BCKDHB: variants seen among roughly 807,000 people sequenced by gnomAD.
BCKDHB encodes the protein 2-oxoisovalerate dehydrogenase subunit beta, mitochondrial.
BCKDHB carries 41 observed loss-of-function variants against 48.5 expected under a neutral mutation model. The ratio of observed to expected loss-of-function variants is 0.85; its 90% confidence interval spans 0.66 to 1.10. The LOEUF (loss-of-function observed/expected upper bound fraction) is 1.10. Ranked by LOEUF, BCKDHB falls within the 50% of genes least tolerant of loss-of-function variation. The pLI, the probability that BCKDHB is intolerant of heterozygous loss-of-function variation, is 0.00. For synonymous variants in BCKDHB, 201 were observed against 174.8 expected (o/e 1.15, Z -1.18); for missense variants, 496 against 494.2 (o/e 1.00, Z -0.03).
the BCKDHB span, among the ~76,000 whole-genome samples, chr6:80,351,629 T>C: frequency 7.0e-6 from 1 of 142,388 alleles, no homozygotes; most frequent in Admixed American, 7.9e-5. Flanking sequence ...TCAATAGATC[T>C]GGAATTTTTT....
At chr6:80,176,065 G>C (rs1773138925) in intron 6 of BCKDHB, among the ~76,000 whole-genome samples, 1 of 152,166 alleles carries the variant, frequency 6.6e-6, no homozygotes. Context: ...GCGGCTGTTT[G>C]AATAGCCTGT....
the BCKDHB span, among the ~76,000 whole-genome samples, chr6:80,429,413 G>A: frequency 1.3e-5 from 2 of 152,282 alleles, no homozygotes; most frequent in Admixed American, 1.3e-4. Flanking sequence ...TGTGAAGAAA[G>A]TCAATGGTAG....
the BCKDHB span, among the ~76,000 whole-genome samples, chr6:80,409,628 A>G: frequency 1.2e-5 from 1 of 82,248 alleles, no homozygotes; most frequent in Admixed American, 1.4e-4. Flanking sequence ...ATATATATAT[A>G]TATGATAGTT....
At chr6:80,395,186 G>T in the BCKDHB span, among the ~76,000 whole-genome samples, 4 of 152,198 alleles carry the variant, frequency 2.6e-5, no homozygotes, top group African/African-American at 9.6e-5. Context: ...AAATGTGGAA[G>T]CAAGTTTGGA....
intron 9 of BCKDHB, among the ~76,000 whole-genome samples, chr6:80,333,159 C>G (rs974065088): frequency 6.6e-6 from 1 of 152,074 alleles, no homozygotes; most frequent in African/African-American, 2.4e-5. Flanking sequence ...CCCTTGTATC[C>G]AAGCAAGACT....
chr6:80,397,225 C>T, the BCKDHB span, among the ~76,000 whole-genome samples: 1 of 152,088 alleles, frequency 6.6e-6, no homozygotes, highest in Non-Finnish European at 1.5e-5. Flanking sequence ...AATTTCTGCT[C>T]TTCATTTTAA....
chr6:80,397,671 C>T, the BCKDHB span, among the ~76,000 whole-genome samples: 2 of 152,154 alleles, frequency 1.3e-5, no homozygotes, highest in African/African-American at 2.4e-5. Context: ...TCACTTAGGT[C>T]AGGAGTTTGA....
chr6:80,450,696 C>T, the BCKDHB span, among the ~76,000 whole-genome samples: 903 of 152,246 alleles, frequency 5.9e-3, 8 homozygotes, highest in African/African-American at 0.02. Flanking sequence ...ATGCACCTTC[C>T]TCTTCCATGA....
the BCKDHB span, among the ~76,000 whole-genome samples, chr6:80,375,180 G>A: frequency 4.6e-5 from 7 of 152,048 alleles, no homozygotes; most frequent in South Asian, 8.3e-4. Flanking sequence ...GAGCTTCTTG[G>A]ATTTGAATGT....
At chr6:80,260,283 CTG>C (rs1777243679) in intron 8 of BCKDHB, among the ~76,000 whole-genome samples, 1 of 151,974 alleles carries the variant, frequency 6.6e-6, no homozygotes, top group Non-Finnish European at 1.5e-5. Flanking sequence ...TTTGAGAAAA[CTG>C]TATTTTGGGT....
chr6:80,383,855 T>C, the BCKDHB span, among the ~76,000 whole-genome samples: 1 of 152,172 alleles, frequency 6.6e-6, no homozygotes, highest in South Asian at 2.1e-4. Flanking sequence ...TAATTGTGTT[T>C]TTTATATACA....
At chr6:80,412,089 G>A in the BCKDHB span, among the ~76,000 whole-genome samples, 42 of 151,798 alleles carry the variant, frequency 2.8e-4, no homozygotes, top group Admixed American at 2.8e-3. Flanking sequence ...GGCCATCTTG[G>A]AAGCAACAAT....
chr6:80,168,663 G>C (rs1242166357), intron 4 of BCKDHB, among the ~76,000 whole-genome samples: 1 of 147,928 alleles, frequency 6.8e-6, no homozygotes, highest in East Asian at 2.0e-4. Flanking sequence ...AAGAAAGAAA[G>C]GAAGGGAGGG....
chr6:80,146,336 C>T (rs547790102), intron 3 of BCKDHB, among the ~76,000 whole-genome samples: 6 of 152,208 alleles, frequency 3.9e-5, no homozygotes, highest in East Asian at 1.9e-4. Flanking sequence ...ATAAAAATAA[C>T]GCCTGGTAAC....
At chr6:80,326,883 A>T (rs1769055747) in intron 9 of BCKDHB, among the ~76,000 whole-genome samples, 2 of 152,114 alleles carry the variant, frequency 1.3e-5, no homozygotes, top group Admixed American at 1.3e-4. Context: ...AAGAAAAAAA[A>T]AGAGTAAGTA....
At chr6:80,238,754 T>TC (rs70981410) in intron 8 of BCKDHB, among the ~76,000 whole-genome samples, 56,297 of 151,562 alleles carry the variant, frequency 0.37, 12,148 homozygotes, top group East Asian at 0.55. Flanking sequence ...TCCCCCCTCC[T>TC]CCCATCCCAT....
chr6:80,114,370 C>T (rs568928890), intron 1 of BCKDHB, among the ~76,000 whole-genome samples: 1 of 151,890 alleles, frequency 6.6e-6, no homozygotes, highest in South Asian at 2.1e-4. Context: ...TACTCAGCCT[C>T]CAGGGTAGCT....
At chr6:80,303,630 A>T (rs571271167) in intron 9 of BCKDHB, among the ~76,000 whole-genome samples, 1 of 152,104 alleles carries the variant, frequency 6.6e-6, no homozygotes, top group Non-Finnish European at 1.5e-5. Context: ...TTAAAAATAG[A>T]TAAGTACATA....
chr6:80,352,227 T>G, the BCKDHB span, among the ~76,000 whole-genome samples: 1 of 151,922 alleles, frequency 6.6e-6, no homozygotes, highest in Non-Finnish European at 1.5e-5. Flanking sequence ...CATCTGCCTG[T>G]CTCTGCGTCC....
Sources: gnomAD v4.1 joint callset for allele counts (sites outside exome capture counted in the v4.1 genomes callset) on GRCh38, gnomAD v4.1.1 for gene constraint, MANE v1.5 for transcripts, NCBI Gene and HGNC (gene_info 2026-07-23, HGNC 2026-07-21) for gene names.